Variants in ELK3 observed in about 807,000 individuals in gnomAD.
The protein encoded by ELK3 is ETS domain-containing protein Elk-3.
ELK3 carries 10 observed loss-of-function variants against 28.9 expected under a neutral mutation model. The ratio of observed to expected loss-of-function variants is 0.35; its 90% CI spans 0.21 to 0.59. ELK3 has a LOEUF of 0.59. Among genes scored for constraint, ELK3 ranks in the 20% least tolerant of loss-of-function variants. The pLI, the probability that ELK3 is intolerant of heterozygous loss-of-function variation, is 0.82. For synonymous variants in ELK3, 272 were observed against 243.5 expected (o/e 1.12, Z -1.09); for missense variants, 463 against 517.3 (o/e 0.90, Z 1.02).
chr12:96,240,337 G>T (rs546536919), intron 2 of ELK3, among the ~76,000 whole-genome samples: 40 of 152,290 alleles, frequency 2.6e-4, no homozygotes, highest in African/African-American at 9.6e-4. Flanking sequence ...TGCTTAAATG[G>T]GAGTGTAAAA....
Position 96,259,595 on chromosome 12 carries a change from G to A in ELK3, c.1003-136G>A, listed in dbSNP as rs919291955. ...CTGTTCACAGCCCCTCAGAATTAAC[G>A]TTGCCAGTTTTCCTGAGATGGTAAG... On this transcript the variant is annotated intron_variant, in intron 3 of 4. Transcript: ENST00000228741. 29 of 939,328 alleles carry A rather than the reference G, an allele frequency of 3.1e-5. 1 individual carries two copies. Among genetic ancestry groups the A allele is most frequent in the Middle Eastern group, 5.9e-4 (2 of 3,410 alleles). 58.2% of individuals were successfully genotyped at this position (939,328 alleles called of 1,614,324 possible). A position where few individuals can be genotyped will look rare whatever the true frequency, so the allele number is the denominator to read the frequency against.
intron 3 of ELK3, among the ~76,000 whole-genome samples, chr12:96,248,243 C>T (rs922456954): frequency 1.3e-5 from 2 of 152,222 alleles, no homozygotes; most frequent in Admixed American, 6.5e-5. Flanking sequence ...GGGGCCACCC[C>T]AAACAGCTGC....
chr12:96,226,608 G>A (rs141859567), intron 2 of ELK3, among the ~76,000 whole-genome samples: 1 of 149,864 alleles, frequency 6.7e-6, no homozygotes, highest in Non-Finnish European at 1.5e-5. Flanking sequence ...ACACACATAT[G>A]CCCACATGCA....
At chr12:96,263,645 C>T (rs1952009347) in intron 4 of ELK3, among the ~76,000 whole-genome samples, 1 of 152,132 alleles carries the variant, frequency 6.6e-6, no homozygotes, top group African/African-American at 2.4e-5. Flanking sequence ...CGCGCTTTTT[C>T]CAGCTGGCCA....
intron 2 of ELK3, among the ~76,000 whole-genome samples, chr12:96,224,242 G>C (rs530052903): frequency 3.3e-5 from 5 of 152,256 alleles, no homozygotes; most frequent in Admixed American, 3.3e-4. Flanking sequence ...ATCAGCATAG[G>C]AATAATAATA....
At chr12:96,224,732 C>A (rs190098257) in intron 2 of ELK3, among the ~76,000 whole-genome samples, 271 of 152,318 alleles carry the variant, frequency 1.8e-3, no homozygotes, top group Admixed American at 4.4e-3. Flanking sequence ...CAGTTTGAAT[C>A]TGTTGTTGCT....
chr12:96,228,444 A>AAAAAAAAAAAG (rs1951720217), intron 2 of ELK3, among the ~76,000 whole-genome samples: 1 of 142,540 alleles, frequency 7.0e-6, no homozygotes, highest in African/African-American at 2.6e-5. Flanking sequence ...AAAAAAAAAA[A>AAAAAAAAAAAG]GAAGATCAAA....
rs184141575 is a variant in ELK3 at position 96,234,400 on chromosome 12, G to A, written c.207+10627G>A. ...CGAGTCTGCGTTTGCCAGCATGAGC[G>A]TTCCTGCTTCTGGGATTTGAGCTGC... is the stretch of plus-strand genomic sequence containing the variant. On this transcript the variant is annotated intron_variant, in intron 2 of 4. Coordinates refer to ENST00000228741, the MANE Select transcript of ELK3 (RefSeq NM_005230.4). Among the ~76,000 whole-genome samples the A allele has an allele frequency of 5.4e-4, 82 of 152,298 alleles. 1 individual carries two copies. In the East Asian group the frequency reaches 0.013, roughly 24 times the overall value.
Position 96,256,372 on chromosome 12 carries a change from CAT to C in ELK3, c.1003-3357_1003-3356del, listed in dbSNP as rs1207056217. Among the ~76,000 whole-genome samples the C allele has an allele frequency of 3.3e-5, 5 of 152,234 alleles. No homozygotes were observed. The East Asian group carries it at 9.7e-4, about 29-fold the overall frequency. ...TTATCCTCATCTGTGGCACCTGAAA[CAT>C]AGTTTGCACTCTCGGTCAGTATTTA... On this transcript the variant is annotated intron_variant, in intron 3 of 4. Transcript: ENST00000228741.
chr12:96,210,561 GCACGCACACACACA>G (rs1410330442), intron 1 of ELK3, among the ~76,000 whole-genome samples: 7 of 144,748 alleles, frequency 4.8e-5, no homozygotes, highest in African/African-American at 1.0e-4. Flanking sequence ...GCGCGCGGGC[GCACGCACACACACA>G]CACACACACA....
chr12:96,247,252 C>G lies in ELK3; in HGVS notation c.520C>G (p.Pro174Ala), dbSNP rs751445876. The G allele has an allele frequency of 8.1e-6, 13 of 1,614,076 alleles. No homozygotes were observed. The highest frequency in any genetic ancestry group is 2.2e-5 in the South Asian group (2 of 91,086). The stretch of plus-strand genomic sequence containing the variant: ...GCTGGAGGAGCCGCCCGAAGACAGC[C>G]CCCCCGTGGAAGAAGTCAGGACTGT... ...EKLEEPPEDS[P>A]PVEEVRTVIR... Residue 174 changes from proline (P) to alanine (A), a missense_variant, in exon 3 of 5, where the codon CCC (proline) becomes GCC (alanine). This residue lies in a region of ELK3 where 408 missense variants were observed against 414.8 expected (regional missense o/e 0.98). Transcript: ENST00000228741. The surrounding 1 kb of genome is among the most constrained non-coding windows in gnomAD (Gnocchi z 5.5).
At chr12:96,224,044 C>T (rs1253218253) in intron 2 of ELK3, 1 of 424,132 alleles carries the variant, frequency 2.4e-6, no homozygotes, top group Non-Finnish European at 4.3e-6. Context: ...AAATGAGATG[C>T]AGGCAGGCTC....
At chr12:96,251,525 C>G (rs1421183316) in intron 3 of ELK3, among the ~76,000 whole-genome samples, 8 of 152,098 alleles carry the variant, frequency 5.3e-5, no homozygotes, top group African/African-American at 1.9e-4. Flanking sequence ...AAAACCGAGA[C>G]AGGCCTAAAG....
intron 2 of ELK3, among the ~76,000 whole-genome samples, chr12:96,227,982 A>G (rs551015781): frequency 2.0e-5 from 3 of 152,336 alleles, no homozygotes; most frequent in Admixed American, 6.5e-5. Flanking sequence ...CAGTTTCTCT[A>G]TCACTAATTT....
At chr12:96,197,877 T>G (rs1386560076) in intron 1 of ELK3, 1 of 152,246 alleles carries the variant, frequency 6.6e-6, no homozygotes, top group Non-Finnish European at 1.5e-5. Context: ...TTGTAATAAC[T>G]TTTTGGAACT....
At chr12:96,253,268 AAAAT>A (rs902858912) in intron 3 of ELK3, among the ~76,000 whole-genome samples, 9 of 152,346 alleles carry the variant, frequency 5.9e-5, no homozygotes, top group African/African-American at 1.4e-4. Context: ...TCTCACCAAA[AAAAT>A]AAATAAATAA....
chr12:96,264,282 T>A (rs1048473638), intron 4 of ELK3, among the ~76,000 whole-genome samples: 2 of 152,110 alleles, frequency 1.3e-5, no homozygotes, highest in Admixed American at 1.3e-4. Flanking sequence ...CGACCATACC[T>A]GGCTAGAGGA....
chr12:96,239,960 T>C (rs1293293394), intron 2 of ELK3, among the ~76,000 whole-genome samples: 1 of 152,256 alleles, frequency 6.6e-6, no homozygotes, highest in Non-Finnish European at 1.5e-5. Context: ...CACTTGGATC[T>C]AGCAGTTATT....
intron 3 of ELK3, among the ~76,000 whole-genome samples, chr12:96,254,415 C>A (rs113714469): frequency 0.014 from 2,103 of 152,164 alleles, 29 homozygotes; most frequent in Non-Finnish European, 0.022. Context: ...AATAACAGAG[C>A]CTAGAAAGGA....
Sources: gnomAD v4.1 joint callset for allele counts (sites outside exome capture counted in the v4.1 genomes callset) on GRCh38, gnomAD v4.1.1 for gene constraint, gnomAD v4.1.1 regional missense constraint, Gnocchi (gnomAD v3.1) non-coding constraint, MANE v1.5 for transcripts, NCBI Gene and HGNC (gene_info 2026-07-23, HGNC 2026-07-21) for gene names.